ZFYVE1: variants seen among roughly 807,000 people sequenced by gnomAD.
ZFYVE1 encodes zinc finger FYVE domain-containing protein 1.
ZFYVE1 carries 30 observed loss-of-function variants against 74.4 expected under a neutral mutation model. The observed-to-expected ratio is 0.40, with a 90% confidence interval of 0.30 to 0.55. ZFYVE1 has a LOEUF of 0.55. ZFYVE1 is among the 20% of genes least tolerant of loss of function. ZFYVE1 has a pLI of 0.42. For synonymous variants in ZFYVE1, 335 were observed against 385.1 expected, an observed-to-expected ratio of 0.87 and a Z score of 1.52; for missense variants, 703 against 1,011.6, an observed-to-expected ratio of 0.69 and a Z score of 4.14.
chr14:72,978,780 A>T lies in ZFYVE1; in HGVS notation c.1419+81T>A, dbSNP rs567166817. The T allele has an allele frequency of 9.8e-5, 113 of 1,154,864 alleles. No homozygotes were observed. The African/African-American group carries it at 1.6e-3, about 16-fold the overall frequency. 71.5% of individuals were successfully genotyped at this position (1,154,864 alleles called of 1,614,324 possible). ...TCAAATACTTCAGCATGCAGCAAAAAATGGCCCCAAGATAGTCTTGCCAAA... is the reference window on the plus strand; with the variant it reads ...TCAAATACTTCAGCATGCAGCAAAATATGGCCCCAAGATAGTCTTGCCAAA... On this transcript the variant is annotated intron_variant, in intron 6 of 11. Coordinates refer to ENST00000556143, the MANE Select transcript of ZFYVE1 (RefSeq NM_021260.4).
chr14:72,978,658 G>A (rs1281929713), intron 6 of ZFYVE1, among the ~76,000 whole-genome samples: 1 of 146,160 alleles, frequency 6.8e-6, no homozygotes, highest in African/African-American at 2.6e-5. Flanking sequence ...AAGAAAATAA[G>A]CTTAAAACAG....
intron 8 of ZFYVE1, among the ~76,000 whole-genome samples, chr14:72,977,675 T>C (rs547766407): frequency 1.3e-5 from 2 of 152,334 alleles, no homozygotes; most frequent in East Asian, 3.9e-4. Context: ...AACGTTTTAT[T>C]TGCCAAAGGA....
intron 2 of ZFYVE1, among the ~76,000 whole-genome samples, chr14:73,002,549 T>C (rs1893894458): frequency 6.6e-6 from 1 of 151,558 alleles, no homozygotes; most frequent in Non-Finnish European, 1.5e-5. Context: ...TTTAAGTGAT[T>C]CTCCCGCCTC....
At chr14:72,979,612 C>A (rs1428716270) in intron 5 of ZFYVE1, among the ~76,000 whole-genome samples, 1 of 151,566 alleles carries the variant, frequency 6.6e-6, no homozygotes, top group Non-Finnish European at 1.5e-5. Context: ...CAAGATCACA[C>A]CGCTATACTC....
At position 72,981,124 on chromosome 14, in the gene ZFYVE1, A is replaced by T. The variant is rs75247182; in HGVS notation, c.1310+665T>A. ...TGCATTCTAACAGAATCTCAAGGTG[A>T]TGCATACACAATTGAAGTTTCGGAA... is the stretch of plus-strand genomic sequence containing the variant. On this transcript the variant is annotated intron_variant, in intron 5 of 11. Coordinates refer to ENST00000556143, the MANE Select transcript of ZFYVE1 (RefSeq NM_021260.4). Among the ~76,000 whole-genome samples the T allele has an allele frequency of 3.2e-3, 485 of 152,318 alleles. 2 individuals are homozygous for T. The highest frequency in any genetic ancestry group is 0.011 in the African/African-American group (467 of 41,568).
intron 2 of ZFYVE1, among the ~76,000 whole-genome samples, chr14:73,023,523 TA>T (rs931445194): frequency 2.7e-5 from 4 of 148,252 alleles, no homozygotes; most frequent in African/African-American, 1.0e-4. Flanking sequence ...AGCCACTTTT[TA>T]AATCAAGATA....
intron 2 of ZFYVE1, among the ~76,000 whole-genome samples, chr14:73,006,081 G>T (rs139919979): frequency 6.6e-6 from 1 of 151,850 alleles, no homozygotes; most frequent in African/African-American, 2.4e-5. Context: ...CACCACGCCC[G>T]GAGAATTTTT....
intron 4 of ZFYVE1, among the ~76,000 whole-genome samples, chr14:72,983,601 T>C (rs1000303957): frequency 2.0e-5 from 3 of 151,798 alleles, no homozygotes; most frequent in East Asian, 1.9e-4. Context: ...CAGTCTATCA[T>C]TGATGGACAT....
intron 2 of ZFYVE1, among the ~76,000 whole-genome samples, chr14:73,014,926 A>G (rs1224060070): frequency 7.2e-5 from 11 of 152,076 alleles, no homozygotes; most frequent in Admixed American, 2.6e-4. Context: ...CAGTACACCC[A>G]GTTTGTGGTA....
rs1567347204 is a variant in ZFYVE1 at position 72,980,532 on chromosome 14, A to ATTTATTT, written c.1310+1256_1310+1257insAAATAAA. On this transcript the variant is annotated intron_variant, in intron 5 of 11. Transcript: ENST00000556143. Reference sequence around the variant, plus strand: ...TGAACATCAGCATCACCTGAGAATTAATTAATTTATTTATTTATTTATTTA... The same window carrying ATTTATTT: ...TGAACATCAGCATCACCTGAGAATTATTTATTTATTAATTTATTTATTTATTTATTTA... 6.2e-5 allele frequency among the ~76,000 whole-genome samples: 6 copies of ATTTATTT among 97,456 alleles called. No individual in the cohort carries two copies. The East Asian group carries it at 6.8e-4, about 11-fold the overall frequency. 63.9% of individuals were successfully genotyped at this position (97,456 alleles called of 152,430 possible).
At chr14:72,976,916 G>A (rs940172260) in intron 8 of ZFYVE1, among the ~76,000 whole-genome samples, 9 of 152,114 alleles carry the variant, frequency 5.9e-5, no homozygotes, top group African/African-American at 1.7e-4. Flanking sequence ...ATCACCCAGC[G>A]AGGACAATGA....
chr14:73,024,311 G>A lies in ZFYVE1; in HGVS notation c.198C>T (p.Gly66=). 2 of 1,614,076 alleles carry A rather than the reference G, an allele frequency of 1.2e-6. No homozygotes were observed. Among genetic ancestry groups the A allele is most frequent in the Non-Finnish European group, 1.7e-6 (2 of 1,180,016 alleles). The change falls in exon 2 of 12, where the codon GGC becomes GGT. Residue 66 remains glycine (G), a synonymous_variant. Transcript: ENST00000556143. The part of the protein sequence containing the change: ...RNHERIRLKP[G]HVPYCDLCKG... ...TGCAGAGGTCACAGTAAGGGACATG[G>A]CCAGGTTTGAGTCTTATCCGCTCAT...
In ZFYVE1 at chr14:72,982,246, C is replaced by T. The variant is rs139521505; in HGVS notation, c.1204-351G>A. ...GCTGGAACCAAGAAACCAAGACTCA[C>T]GAGGATGGCTCCTCTTTAAGCCACA... On this transcript the variant is annotated intron_variant, in intron 4 of 11. Transcript: ENST00000556143. Among the ~76,000 whole-genome samples, 304 of 152,272 alleles carry T rather than the reference C, an allele frequency of 2.0e-3. 1 individual carries two copies. The highest frequency in any genetic ancestry group is 3.6e-3 in the Admixed American group (55 of 15,284).
Position 72,969,794 on chromosome 14 carries a change from G to A in ZFYVE1, c.*1088C>T, listed in dbSNP as rs751994147. The A allele has an allele frequency of 2.9e-6, 2 of 697,256 alleles. No homozygotes were observed. Among genetic ancestry groups the A allele is most frequent in the Non-Finnish European group, 5.2e-6 (2 of 383,698 alleles). The allele number at this position is 697,256 out of a possible 1,614,324, so 43.2% of individuals were successfully genotyped here. On this transcript the variant is annotated 3_prime_UTR_variant, in exon 12 of 12. Coordinates refer to ENST00000556143, the MANE Select transcript of ZFYVE1 (RefSeq NM_021260.4). ...AACAAAAGTTCCTTTGACTTCTCTTGCAAGGACCAAAGAGATAAATTTTTT... is the reference window on the plus strand; with the variant it reads ...AACAAAAGTTCCTTTGACTTCTCTTACAAGGACCAAAGAGATAAATTTTTT...
At chr14:73,010,070 A>G (rs1894056442) in intron 2 of ZFYVE1, among the ~76,000 whole-genome samples, 1 of 152,094 alleles carries the variant, frequency 6.6e-6, no homozygotes, top group African/African-American at 2.4e-5. Flanking sequence ...CAACAGAGCA[A>G]CATGTCTCAA....
At chr14:73,015,461 T>G in intron 2 of ZFYVE1, among the ~76,000 whole-genome samples, 2 of 145,152 alleles carry the variant, frequency 1.4e-5, no homozygotes, top group East Asian at 2.2e-4. Flanking sequence ...AGGGAGGAAA[T>G]AGCAGAGGAA....
At chr14:72,992,998 C>A (rs934848047) in intron 4 of ZFYVE1, 145 bp downstream of exon 4, 1 of 721,970 alleles carries the variant, frequency 1.4e-6, no homozygotes, top group East Asian at 2.8e-5. Context: ...CTGACAGGTG[C>A]GGACTCCATT....
chr14:72,971,193 CT>C, intron 11 of ZFYVE1, 79 bp from the exon 12 acceptor site: 1 of 1,425,916 alleles, frequency 7.0e-7, no homozygotes, highest in Non-Finnish European at 9.7e-7. Context: ...TCCTCGGATG[CT>C]TACTGGCTTA....
At position 73,025,138 on chromosome 14, in the gene ZFYVE1, G is replaced by A. The variant is rs568416824; in HGVS notation, c.-434-196C>T. On this transcript the variant is annotated intron_variant, in intron 1 of 11. Coordinates refer to ENST00000556143, the MANE Select transcript of ZFYVE1 (RefSeq NM_021260.4). ...AGCTGGAGTGCAATGGGACAGTCTC[G>A]GCTCACTGCAACCTCCGCCTCCCGG... 1.1e-4 allele frequency among the ~76,000 whole-genome samples: 16 copies of A among 149,580 alleles called. No homozygotes were observed. In the East Asian group the frequency reaches 2.6e-3, roughly 24 times the overall value.
Sources: allele counts gnomAD v4.1 joint callset (sites outside exome capture counted in the v4.1 genomes callset), GRCh38; gene constraint gnomAD v4.1.1; transcripts MANE v1.5; gene names NCBI Gene and HGNC (gene_info 2026-07-23, HGNC 2026-07-21).